Variants in GRM7 observed in about 807,000 individuals in gnomAD.
GRM7 encodes the protein glutamate metabotropic receptor 7, also known as metabotropic glutamate receptor 7.
A neutral mutation model predicts 84.5 loss-of-function variants in GRM7; 35 were observed. That is an observed-to-expected ratio of 0.41 (90% CI 0.32 to 0.55). The LOEUF (loss-of-function observed/expected upper bound fraction) is 0.55, where lower values mean the gene tolerates loss of function less well. Among genes scored for constraint, GRM7 ranks in the 20% least tolerant of loss-of-function variants. The probability of loss-of-function intolerance (pLI) is 0.19; values close to 1 mark genes in which losing one functional copy is unlikely to be tolerated. For missense variants in GRM7, 1,003 were observed against 1,194.6 expected (o/e 0.84, Z 2.36); for synonymous variants, 487 against 455.1 (o/e 1.07, Z -0.89).
rs116772714 is a variant in GRM7 at position 7,350,073 on chromosome 3, A to G, written c.1033+43421A>G. 5.6e-3 allele frequency among the ~76,000 whole-genome samples: 851 copies of G among 152,082 alleles called. 7 individuals are homozygous for G. Among genetic ancestry groups the G allele is most frequent in the African/African-American group, 0.02 (816 of 41,510 alleles). On this transcript the variant is annotated intron_variant, in intron 4 of 9. Coordinates refer to ENST00000357716, the MANE Select transcript of GRM7 (RefSeq NM_000844.4). ...TAGCAGGTCATTGCTGGGATTATTG[A>G]CCCTTGCGTAAGTACCTAATCACAA...
At chr3:7,262,775 G>T (rs1698481214) in intron 2 of GRM7, among the ~76,000 whole-genome samples, 2 of 152,206 alleles carry the variant, frequency 1.3e-5, no homozygotes, top group Non-Finnish European at 2.9e-5. Flanking sequence ...TTGGCTCACT[G>T]CAACCTCCAC....
At chr3:7,590,720 T>A (rs1452641392) in intron 8 of GRM7, among the ~76,000 whole-genome samples, 4 of 152,162 alleles carry the variant, frequency 2.6e-5, no homozygotes, top group Non-Finnish European at 5.9e-5. Context: ...CTTTCCATGC[T>A]GTGTTCTTCT....
intron 4 of GRM7, among the ~76,000 whole-genome samples, chr3:7,356,360 G>T (rs1303938916): frequency 6.6e-6 from 1 of 151,712 alleles, no homozygotes; most frequent in Non-Finnish European, 1.5e-5. Context: ...GGTGTATAGT[G>T]GTGTGATCTC....
chr3:7,529,926 T>G (rs1700965645), intron 7 of GRM7, among the ~76,000 whole-genome samples: 2 of 144,536 alleles, frequency 1.4e-5, no homozygotes, highest in African/African-American at 2.6e-5. Flanking sequence ...TTTTTTTTTT[T>G]GTCAGTTCAA....
intron 1 of GRM7, among the ~76,000 whole-genome samples, chr3:6,976,305 G>T (rs1477072188): frequency 6.6e-6 from 1 of 152,170 alleles, no homozygotes; most frequent in Non-Finnish European, 1.5e-5. Flanking sequence ...AAAACTTTCA[G>T]TGACTTCATT....
In GRM7 at chr3:6,923,189, A is replaced by G. The variant is rs181611822; in HGVS notation, c.519+61282A>G. ...GTCATCATGCCTGGCTAATTTTTGT[A>G]TTTTTAGTAGAGATGGGGTTTCACT... is the stretch of plus-strand genomic sequence containing the variant. On this transcript the variant is annotated intron_variant, in intron 1 of 9. Coordinates refer to ENST00000357716, the MANE Select transcript of GRM7 (RefSeq NM_000844.4). Among the ~76,000 whole-genome samples, 942 of 151,728 alleles carry G rather than the reference A, an allele frequency of 6.2e-3. 10 individuals are homozygous for G. The highest frequency in any genetic ancestry group is 0.02 in the African/African-American group (836 of 41,376).
chr3:7,374,609 G>T (rs903852091), intron 4 of GRM7, among the ~76,000 whole-genome samples: 1 of 150,986 alleles, frequency 6.6e-6, no homozygotes, highest in Admixed American at 6.6e-5. Flanking sequence ...CTCCCAAGTA[G>T]CTAGGATTAC....
At chr3:7,693,766 A>C in intron 9 of GRM7, 1 of 837,900 alleles carries the variant, frequency 1.2e-6, no homozygotes, top group South Asian at 1.5e-5. Flanking sequence ...ATGATGAGTG[A>C]AAGAGACCTT....
chr3:7,318,124 C>T (rs974611289), intron 4 of GRM7, among the ~76,000 whole-genome samples: 1 of 152,110 alleles, frequency 6.6e-6, no homozygotes, highest in Non-Finnish European at 1.5e-5. Flanking sequence ...TTTGAATCAA[C>T]TGCTGCCAAA....
chr3:7,626,133 G>A (rs1173267540), intron 8 of GRM7, among the ~76,000 whole-genome samples: 1 of 152,030 alleles, frequency 6.6e-6, no homozygotes, highest in Non-Finnish European at 1.5e-5. Flanking sequence ...AGAATATCAG[G>A]AACTGGTTCC....
At chr3:7,599,076 G>A (rs1212466138) in intron 8 of GRM7, among the ~76,000 whole-genome samples, 1 of 152,106 alleles carries the variant, frequency 6.6e-6, no homozygotes, top group Non-Finnish European at 1.5e-5. Flanking sequence ...TTATTATACA[G>A]ATCTGAGAAC....
intron 1 of GRM7, among the ~76,000 whole-genome samples, chr3:6,997,595 C>A (rs1448547078): frequency 6.6e-6 from 1 of 152,162 alleles, no homozygotes; most frequent in Non-Finnish European, 1.5e-5. Flanking sequence ...TAGTCCTTCC[C>A]ACAACATGTG....
rs1315041066 is a variant in GRM7 at position 6,861,679 on chromosome 3, C to T, written c.291C>T (p.Pro97=). The change falls in exon 1 of 10, where the codon CCC becomes CCT. Residue 97 remains proline (P), a synonymous_variant. Coordinates refer to ENST00000357716, the MANE Select transcript of GRM7 (RefSeq NM_000844.4). The surrounding 1 kb of genome is among the most constrained non-coding windows in gnomAD (Gnocchi z 6.4). The part of the protein sequence containing the change: ...DQINSDPNLL[P]NVTLGARILD... The stretch of plus-strand genomic sequence containing the variant: ...TCAACAGTGATCCCAACCTACTGCC[C>T]AACGTGACGCTGGGCGCGCGGATCC... 1.2e-6 allele frequency: 2 copies of T among 1,614,002 alleles called. No individual in the cohort carries two copies. The highest frequency in any genetic ancestry group is 1.7e-6 in the Non-Finnish European group (2 of 1,180,020).
At position 7,578,988 on chromosome 3, in the gene GRM7, C is replaced by G. The variant is rs147672583; in HGVS notation, c.2082C>G (p.Pro694=). ...AGGGCAAGAAATCAGTAACAGCTCC[C>G]AGACTCATAAGCCCAACATCACAAC... ...FEQGKKSVTA[P]RLISPTSQLA... is the part of the protein sequence containing the mutation. Residue 694 remains proline, a synonymous_variant, in exon 8 of 10, where the codon CCC becomes CCG. Transcript: ENST00000357716. 4.5e-5 allele frequency: 72 copies of G among 1,614,098 alleles called. No individual in the cohort carries two copies. The African/African-American group carries it at 8.1e-4, about 18-fold the overall frequency.
intron 1 of GRM7, among the ~76,000 whole-genome samples, chr3:6,901,604 TAAAAAA>T (rs33945077): frequency 1.4e-3 from 55 of 40,484 alleles, no homozygotes; most frequent in African/African-American, 5.1e-3. Context: ...AGACTCCGTC[TAAAAAA>T]AAAAAAAAAA....
At chr3:7,709,333 T>C (rs1395411536) in intron 9 of GRM7, among the ~76,000 whole-genome samples, 1 of 151,204 alleles carries the variant, frequency 6.6e-6, no homozygotes, top group Non-Finnish European at 1.5e-5. Context: ...AAAAATGGCA[T>C]AGTTTGGAAC....
chr3:6,866,948 G>T (rs1694957402), intron 1 of GRM7, among the ~76,000 whole-genome samples: 3 of 152,208 alleles, frequency 2.0e-5, no homozygotes. Context: ...AAGCTAGGGA[G>T]ATGTGATTCT....
intron 9 of GRM7, among the ~76,000 whole-genome samples, chr3:7,710,194 A>T (rs1039878788): frequency 6.6e-6 from 1 of 152,334 alleles, no homozygotes; most frequent in Non-Finnish European, 1.5e-5. Flanking sequence ...TTATATTTTT[A>T]AAGACTTACA....
intron 1 of GRM7, among the ~76,000 whole-genome samples, chr3:7,029,319 AAAAAAAAACAAAC>A (rs1298725395): frequency 4.3e-5 from 3 of 69,170 alleles, no homozygotes; most frequent in Non-Finnish European, 8.2e-5. Flanking sequence ...AAAAAACAAA[AAAAAAAAACAAAC>A]AAAAAAAACA....
Sources: gnomAD v4.1 joint callset for allele counts (sites outside exome capture counted in the v4.1 genomes callset) on GRCh38, gnomAD v4.1.1 for gene constraint, Gnocchi (gnomAD v3.1) non-coding constraint, MANE v1.5 for transcripts, NCBI Gene and HGNC (gene_info 2026-07-23, HGNC 2026-07-21) for gene names.